Variants in PXT1 observed in about 807,000 individuals in gnomAD.
PXT1 encodes peroxisomal testis-specific protein 1.
PXT1 carries 11 observed loss-of-function variants against 11.0 expected under a neutral mutation model. The ratio of observed to expected loss-of-function variants is 1.00; its 90% CI spans 0.63 to 1.66. The LOEUF is 1.66. Ranked by LOEUF, PXT1 falls within the 40% of genes most tolerant of loss-of-function variation. The pLI is 0.00. For missense variants in PXT1, 141 were observed against 155.5 expected (o/e 0.91, Z 0.49); for synonymous variants, 43 against 51.4 (o/e 0.84, Z 0.70).
rs534284416 is a variant in PXT1 at position 36,413,475 on chromosome 6, TA to T, written c.169+12438del. Among the ~76,000 whole-genome samples, 528 of 151,064 alleles carry T rather than the reference TA, an allele frequency of 3.5e-3. 2 individuals carry two copies. Among genetic ancestry groups the T allele is most frequent in the Non-Finnish European group, 4.9e-3 (335 of 67,822 alleles). On this transcript the variant is annotated intron_variant, in intron 3 of 4. Transcript: ENST00000454782. ...GTTCTCAGGACAGCAAATGGCGAAA[TA>T]AAAACTTCACCCTTTGAACATACTG...
chr6:36,439,694 A>G (rs564932249), intron 1 of PXT1, among the ~76,000 whole-genome samples: 1 of 151,810 alleles, frequency 6.6e-6, no homozygotes, highest in East Asian at 1.9e-4. Flanking sequence ...AGGTTCAAGA[A>G]TGAGACTTGT....
At chr6:36,423,692 GT>G (rs1267707987) in intron 3 of PXT1, among the ~76,000 whole-genome samples, 1 of 152,092 alleles carries the variant, frequency 6.6e-6, no homozygotes, top group East Asian at 1.9e-4. Context: ...TTCTTCAGTG[GT>G]ATCATAAAGA....
intron 4 of PXT1, among the ~76,000 whole-genome samples, chr6:36,399,072 C>G (rs1774179971): frequency 6.6e-6 from 1 of 151,946 alleles, no homozygotes; most frequent in Non-Finnish European, 1.5e-5. Flanking sequence ...TATTTGATTG[C>G]CTATGTTCTC....
chr6:36,411,877 T>C (rs1461544594), intron 3 of PXT1, among the ~76,000 whole-genome samples: 5 of 151,460 alleles, frequency 3.3e-5, no homozygotes, highest in Non-Finnish European at 7.4e-5. Flanking sequence ...GAGCCCAAGA[T>C]GTTGAGGCTG....
intron 3 of PXT1, 114 bp downstream of exon 3, chr6:36,425,800 C>CAAAAACAAACAAA: frequency 4.6e-6 from 1 of 216,038 alleles, no homozygotes; most frequent in African/African-American, 3.4e-5. Context: ...AAAACAAAAA[C>CAAAAACAAACAAA]AAAAAATATA....
intron 3 of PXT1, among the ~76,000 whole-genome samples, chr6:36,420,463 AC>A (rs1310379751): frequency 6.6e-6 from 1 of 152,226 alleles, no homozygotes; most frequent in African/African-American, 2.4e-5. Flanking sequence ...AAAAATAGGA[AC>A]AAAAGTCCAT....
chr6:36,417,143 C>A (rs1258372301), intron 3 of PXT1, among the ~76,000 whole-genome samples: 1 of 151,978 alleles, frequency 6.6e-6, no homozygotes, highest in Non-Finnish European at 1.5e-5. Flanking sequence ...GTCAGGAGTT[C>A]GAGATCAGCC....
intron 3 of PXT1, among the ~76,000 whole-genome samples, chr6:36,411,951 A>G (rs1774381303): frequency 1.3e-5 from 2 of 152,180 alleles, no homozygotes. Flanking sequence ...TTGCCAAAAA[A>G]ACAAATACCA....
intron 3 of PXT1, among the ~76,000 whole-genome samples, chr6:36,417,319 C>T (rs746112850): frequency 2.0e-5 from 3 of 151,984 alleles, no homozygotes; most frequent in Non-Finnish European, 2.9e-5. Flanking sequence ...TACAATTCAG[C>T]CTGGGCAACA....
At chr6:36,393,905 G>A (rs2057351) in intron 4 of PXT1, among the ~76,000 whole-genome samples, 38,843 of 151,512 alleles carry the variant, frequency 0.26, 5,018 homozygotes, top group East Asian at 0.39. Context: ...TAAAAACTCC[G>A]TGAGATCAGT....
chr6:36,436,204 T>G (rs568637285), intron 2 of PXT1, among the ~76,000 whole-genome samples: 2 of 150,702 alleles, frequency 1.3e-5, no homozygotes, highest in Non-Finnish European at 2.9e-5. Flanking sequence ...GGCCAAATCC[T>G]GCAGGGCTTT....
chr6:36,416,228 G>A (rs1285130736), intron 3 of PXT1, among the ~76,000 whole-genome samples: 1 of 151,928 alleles, frequency 6.6e-6, no homozygotes, highest in African/African-American at 2.4e-5. Flanking sequence ...GTGCACCTGT[G>A]GTCCTAACTA....
intron 2 of PXT1, among the ~76,000 whole-genome samples, chr6:36,430,051 A>T (rs1275404565): frequency 2.0e-5 from 3 of 151,928 alleles, no homozygotes; most frequent in Admixed American, 6.6e-5. Flanking sequence ...TACTAAAAGT[A>T]CAAAACTTGG....
At chr6:36,407,237 G>T (rs1224783044) in intron 3 of PXT1, among the ~76,000 whole-genome samples, 1 of 152,144 alleles carries the variant, frequency 6.6e-6, no homozygotes, top group Non-Finnish European at 1.5e-5. Context: ...GAGAGTTGGT[G>T]CACCTGCCTT....
intron 3 of PXT1, among the ~76,000 whole-genome samples, chr6:36,421,890 G>A (rs1345585611): frequency 1.3e-5 from 2 of 152,156 alleles, no homozygotes; most frequent in East Asian, 1.9e-4. Flanking sequence ...ATCTTTATCT[G>A]ACCAAATCTT....
At chr6:36,429,101 T>C (rs1774651409) in intron 2 of PXT1, among the ~76,000 whole-genome samples, 1 of 149,636 alleles carries the variant, frequency 6.7e-6, no homozygotes, top group African/African-American at 2.5e-5. Context: ...ATCTGGTCTC[T>C]ACAAAAAAAT....
chr6:36,410,855 C>T (rs747549523), intron 3 of PXT1, among the ~76,000 whole-genome samples: 1 of 152,184 alleles, frequency 6.6e-6, no homozygotes, highest in Non-Finnish European at 1.5e-5. Flanking sequence ...CCTGGAGAGG[C>T]ACTTAGGCAT....
At chr6:36,392,075 C>G in intron 4 of PXT1, 1 of 499,636 alleles carries the variant, frequency 2.0e-6, no homozygotes. Context: ...CGCCTCTGGA[C>G]ATATTTTCCT....
At chr6:36,418,756 G>A (rs1365758578) in intron 3 of PXT1, among the ~76,000 whole-genome samples, 1 of 152,194 alleles carries the variant, frequency 6.6e-6, no homozygotes, top group South Asian at 2.1e-4. Context: ...GAGTGCCTGA[G>A]GGCACTGGAG....
Sources: allele counts gnomAD v4.1 joint callset (sites outside exome capture counted in the v4.1 genomes callset), GRCh38; gene constraint gnomAD v4.1.1; transcripts MANE v1.5; gene names NCBI Gene and HGNC (gene_info 2026-07-23, HGNC 2026-07-21).